Variants in CDH13 observed in about 807,000 individuals in gnomAD.
The protein encoded by CDH13 is cadherin-13.
Under a neutral mutation model 63.8 loss-of-function variants are expected in CDH13, and 24 were observed. That is an observed-to-expected ratio of 0.38 (90% confidence interval 0.27 to 0.53). The LOEUF is 0.53. CDH13 is among the 20% of genes least tolerant of loss of function. The probability of loss-of-function intolerance (pLI) is 0.85; values close to 1 mark genes in which losing one functional copy is unlikely to be tolerated. For synonymous variants in CDH13, 503 were observed against 355.3 expected, an observed-to-expected ratio of 1.42 and a Z score of -4.67; for missense variants, 1,049 against 903.1, an observed-to-expected ratio of 1.16 and a Z score of -2.07.
intron 1 of CDH13, among the ~76,000 whole-genome samples, chr16:82,831,209 T>C (rs1982609): frequency 0.12 from 17,842 of 152,130 alleles, 1,102 homozygotes; most frequent in Middle Eastern, 0.13. Context: ...TGAGAAGCAT[T>C]AATCCAGGGG....
At chr16:83,537,914 C>T (rs1378083531) in intron 7 of CDH13, among the ~76,000 whole-genome samples, 3 of 152,106 alleles carry the variant, frequency 2.0e-5, no homozygotes, top group Non-Finnish European at 4.4e-5. Context: ...TCTCTATTGC[C>T]TTCCTAGGAA....
intron 6 of CDH13, among the ~76,000 whole-genome samples, chr16:83,363,211 T>G (rs1168530613): frequency 6.6e-6 from 1 of 152,224 alleles, no homozygotes; most frequent in Non-Finnish European, 1.5e-5. Context: ...ATTTTCCTCG[T>G]ATTTCTAGAA....
chr16:83,134,549 G>T (rs112190433), intron 4 of CDH13, among the ~76,000 whole-genome samples: 3,488 of 46,218 alleles, frequency 0.075, 186 homozygotes, highest in African/African-American at 0.21. Context: ...TGGGGGGAGA[G>T]AGAGAGAGAG....
intron 1 of CDH13, among the ~76,000 whole-genome samples, chr16:82,697,364 C>G (rs1300024172): frequency 2.0e-5 from 3 of 151,920 alleles, no homozygotes; most frequent in Admixed American, 6.6e-5. Context: ...CACTCTCACC[C>G]CAGACTATCC....
chr16:82,826,594 G>C (rs2038265711), intron 1 of CDH13: 1 of 152,152 alleles, frequency 6.6e-6, no homozygotes. Context: ...CTCAGGAATA[G>C]AGTCCCAATC....
intron 1 of CDH13, among the ~76,000 whole-genome samples, chr16:82,636,297 G>A (rs1400598540): frequency 6.6e-6 from 1 of 152,034 alleles, no homozygotes; most frequent in Non-Finnish European, 1.5e-5. Flanking sequence ...CTATGTGGGA[G>A]TGTAATTCAG....
chr16:83,459,094 T>C (rs1334328473), intron 6 of CDH13, among the ~76,000 whole-genome samples: 3 of 152,194 alleles, frequency 2.0e-5, no homozygotes, highest in African/African-American at 7.2e-5. Context: ...AATACCAACT[T>C]TTTGTTTGTT....
At chr16:82,627,578 G>A (rs1054792346) in intron 1 of CDH13, among the ~76,000 whole-genome samples, 2 of 152,106 alleles carry the variant, frequency 1.3e-5, no homozygotes, top group Non-Finnish European at 2.9e-5. Context: ...AGCGCTGCTC[G>A]GGTCCGGATT....
chr16:83,280,720 C>G (rs953656211), intron 5 of CDH13, among the ~76,000 whole-genome samples: 2 of 152,148 alleles, frequency 1.3e-5, no homozygotes. Flanking sequence ...TATAGTTTTA[C>G]AAAATGTCTT....
intron 10 of CDH13, among the ~76,000 whole-genome samples, chr16:83,690,987 G>A (rs1045470268): frequency 6.6e-6 from 1 of 152,076 alleles, no homozygotes; most frequent in East Asian, 1.9e-4. Context: ...CTCCCAAAGT[G>A]CTGGGATAAC....
chr16:83,106,682 A>C (rs547854483), intron 3 of CDH13, among the ~76,000 whole-genome samples: 1 of 152,352 alleles, frequency 6.6e-6, no homozygotes, highest in East Asian at 1.9e-4. Context: ...GAGGAAAGAA[A>C]ACTTGGGAAG....
chr16:83,355,572 A>G (rs1290857859), intron 6 of CDH13, among the ~76,000 whole-genome samples: 5 of 152,158 alleles, frequency 3.3e-5, no homozygotes, highest in Non-Finnish European at 2.9e-5. Flanking sequence ...TTTTAATTCA[A>G]TTTTTAAATA....
intron 7 of CDH13, among the ~76,000 whole-genome samples, chr16:83,549,474 C>T (rs1005662220): frequency 6.6e-6 from 1 of 152,168 alleles, no homozygotes. Context: ...AGGCTGCCTG[C>T]TGCCGGTTGC....
At chr16:82,704,667 C>T (rs901407511) in intron 1 of CDH13, among the ~76,000 whole-genome samples, 1 of 152,116 alleles carries the variant, frequency 6.6e-6, no homozygotes, top group Non-Finnish European at 1.5e-5. Flanking sequence ...GAAGGTTTCC[C>T]AGAGGAAGAA....
rs114164761 is a variant in CDH13 at position 83,280,286 on chromosome 16, A to G, written c.636+62789A>G. On this transcript the variant is annotated intron_variant, in intron 5 of 13. Coordinates refer to ENST00000567109, the MANE Select transcript of CDH13 (RefSeq NM_001257.5). The stretch of plus-strand genomic sequence containing the variant: ...GTAATATTCTAAACTCTTTTTTGTC[A>G]TTTCAACTATGTTCATAGTAGCTTT... 4.6e-3 allele frequency among the ~76,000 whole-genome samples: 701 copies of G among 152,260 alleles called. 7 individuals carry two copies. The highest frequency in any genetic ancestry group is 0.016 in the African/African-American group (664 of 41,552).
intron 3 of CDH13, among the ~76,000 whole-genome samples, chr16:83,083,547 C>T (rs2033398353): frequency 1.3e-5 from 2 of 152,054 alleles, no homozygotes; most frequent in African/African-American, 2.4e-5. Flanking sequence ...AGTAACAGAG[C>T]CCAAAACACA....
intron 10 of CDH13, among the ~76,000 whole-genome samples, chr16:83,683,781 T>G (rs1213942561): frequency 6.6e-6 from 1 of 152,242 alleles, no homozygotes; most frequent in Non-Finnish European, 1.5e-5. Context: ...TGTTAATGTT[T>G]TTTGGCATAT....
intron 1 of CDH13, among the ~76,000 whole-genome samples, chr16:82,707,805 G>A (rs1478630733): frequency 6.6e-6 from 1 of 152,144 alleles, no homozygotes; most frequent in East Asian, 1.9e-4. Context: ...CCATCTGTGT[G>A]GTATTCAAGG....
intron 5 of CDH13, among the ~76,000 whole-genome samples, chr16:83,340,785 C>G (rs879800804): frequency 1.1e-4 from 17 of 152,262 alleles, no homozygotes; most frequent in South Asian, 2.1e-4. Flanking sequence ...AGGCTACCTA[C>G]TATGGAATTA....
Sources: allele counts gnomAD v4.1 joint callset (sites outside exome capture counted in the v4.1 genomes callset), GRCh38; gene constraint gnomAD v4.1.1; transcripts MANE v1.5; gene names NCBI Gene and HGNC (gene_info 2026-07-23, HGNC 2026-07-21).